The following ENPP2 variants were observed in gnomAD, a reference collection of about 807,000 sequenced individuals.
ENPP2 encodes ectonucleotide pyrophosphatase/phosphodiesterase 2, also known as autotaxin.
In ENPP2, 51 loss-of-function variants were observed where a neutral mutation model predicts 120.2. The observed-to-expected ratio is 0.42, with a 90% CI of 0.34 to 0.54. The LOEUF (loss-of-function observed/expected upper bound fraction) is 0.54, where lower values mean the gene tolerates loss of function less well. Ranked by LOEUF, ENPP2 falls within the 20% of genes least tolerant of loss-of-function variation. The pLI is 0.04. For synonymous variants in ENPP2, 365 were observed against 366.4 expected (o/e 1.00, Z 0.04); for missense variants, 920 against 1,066.5 (o/e 0.86, Z 1.91).
intron 1 of ENPP2, among the ~76,000 whole-genome samples, chr8:119,647,074 T>G (rs1817492362): frequency 6.6e-6 from 1 of 151,552 alleles, no homozygotes; most frequent in African/African-American, 2.4e-5. Context: ...CTTGGCTCAC[T>G]GCAACCTCCG....
intron 9 of ENPP2, among the ~76,000 whole-genome samples, chr8:119,604,930 C>A (rs151161019): frequency 6.6e-6 from 1 of 151,838 alleles, no homozygotes; most frequent in African/African-American, 2.4e-5. Context: ...CCCACCACCA[C>A]GCCTGGCTAA....
At chr8:119,663,778 A>G (rs1297446559) in intron 1 of ENPP2, among the ~76,000 whole-genome samples, 1 of 152,232 alleles carries the variant, frequency 6.6e-6, no homozygotes, top group Non-Finnish European at 1.5e-5. Context: ...ACCCAAGGGA[A>G]AAGTACGATA....
intron 13 of ENPP2, 144 bp from the exon 14 acceptor site, chr8:119,587,219 T>C: frequency 1.4e-6 from 1 of 702,012 alleles, no homozygotes; most frequent in South Asian, 1.7e-5. Flanking sequence ...GATAAATAAT[T>C]GTGTAGGGGT....
chr8:119,638,941 T>C (rs755846487), upstream of ENPP2: 196 of 823,038 alleles, frequency 2.4e-4, no homozygotes, highest in Admixed American at 1.2e-3. Context: ...TCACAGGGTG[T>C]TCACAAATCG....
chr8:119,656,151 T>C (rs1439593854), intron 1 of ENPP2, among the ~76,000 whole-genome samples: 1 of 152,210 alleles, frequency 6.6e-6, no homozygotes, highest in East Asian at 1.9e-4. Flanking sequence ...TAATAAAATA[T>C]TTTGCAAAAG....
In ENPP2 at chr8:119,600,678, C is replaced by T; in HGVS notation, c.972G>A (p.Glu324=). ...SGHKYGPFGP[E]MTNPLREIDK... ...CTCAGGCAGATGCTAAACCACTAAC[C>T]TCAGGGCCGAAAGGGCCATATTTGT... is the stretch of plus-strand genomic sequence containing the variant. Residue 324 remains glutamate, a splice_region_variant and synonymous_variant, in exon 11 of 25, where the codon GAG becomes GAA. Coordinates refer to ENST00000075322, the MANE Select transcript of ENPP2 (RefSeq NM_001040092.3). 6.2e-7 allele frequency: 1 copy of T among 1,604,756 alleles called. No homozygotes were observed.
rs150759849 is a variant in ENPP2, at chr8:119,570,802, C to T, written c.1820G>A (p.Arg607Gln). 1.3e-5 allele frequency: 21 copies of T among 1,580,704 alleles called. No individual in the cohort carries two copies. The highest frequency in any genetic ancestry group is 5.5e-5 in the African/African-American group (4 of 73,168). ...LLYGRPAVLY[R>Q]TRYDILYHTD... The stretch of plus-strand genomic sequence containing the variant: ...GTGATATAAGATATCATATCTAGTC[C>T]GATAAAGCACTGCAGGTCGCCCATA... Residue 607 changes from arginine to glutamine, a missense_variant, in exon 20 of 25, where the codon CGG (arginine) becomes CAG (glutamine). Coordinates refer to ENST00000075322, the MANE Select transcript of ENPP2 (RefSeq NM_001040092.3).
chr8:119,612,070 G>A (rs1000496776), intron 8 of ENPP2, among the ~76,000 whole-genome samples: 13 of 152,022 alleles, frequency 8.6e-5, no homozygotes, highest in African/African-American at 3.1e-4. Flanking sequence ...ATTTATGATA[G>A]TAAAAATATA....
intron 1 of ENPP2, among the ~76,000 whole-genome samples, chr8:119,650,565 A>G (rs1378148313): frequency 6.6e-6 from 1 of 152,238 alleles, no homozygotes. Context: ...TGCACAGAAA[A>G]GGAACATTAA....
rs58435393 is a variant in ENPP2, at chr8:119,659,334, A to AAAAAAAAAAAAAAAAAAC, written c.21+13917_21+13918insGTTTTTTTTTTTTTTTTT. Among the ~76,000 whole-genome samples, 158 of 130,702 alleles carry AAAAAAAAAAAAAAAAAAC rather than the reference A, an allele frequency of 1.2e-3. 4 individuals carry two copies. The highest frequency in any genetic ancestry group is 4.0e-3 in the East Asian group (16 of 3,970). The allele number at this position is 130,702 out of a possible 152,430, so 85.7% of individuals were successfully genotyped here. Reference sequence around the variant, plus strand: ...TCTGTCTCAATTAAAAAAAAAAAAAAAAACCAGAGTTCTTAAGAATTTTCT... The same window carrying AAAAAAAAAAAAAAAAAAC: ...TCTGTCTCAATTAAAAAAAAAAAAAAAAAAAAAAAAAAAAAAACAAACCAGAGTTCTTAAGAATTTTCT... On this transcript the variant is annotated intron_variant, in intron 1 of 25. Transcript: ENST00000427067.
intron 16 of ENPP2, 51 bp from the exon 17 acceptor site, chr8:119,583,855 C>A (rs1221714616): frequency 7.2e-7 from 1 of 1,389,240 alleles, no homozygotes; most frequent in Non-Finnish European, 1.0e-6. Context: ...TAGGTAGGAA[C>A]CCTTCCTCTA....
rs769635268 is a variant in ENPP2, at chr8:119,570,810, C to T, written c.1812G>A (p.Val604=). 6.4e-7 allele frequency: 1 copy of T among 1,574,050 alleles called. No homozygotes were observed. Among genetic ancestry groups the T allele is most frequent in the Non-Finnish European group, 8.6e-7 (1 of 1,163,674 alleles). The stretch of plus-strand genomic sequence containing the variant: ...AGATATCATATCTAGTCCGATAAAG[C>T]ACTGCAGGTCGCCCATAGAGGAGGT... ...ERHLLYGRPA[V]LYRTRYDILY... is the part of the protein sequence containing the mutation. The change falls in exon 20 of 25, where the codon GTG becomes GTA. Residue 604 remains valine, a synonymous_variant. Coordinates refer to ENST00000075322, the MANE Select transcript of ENPP2 (RefSeq NM_001040092.3).
chr8:119,595,837 A>C, intron 11 of ENPP2: 1 of 1,613,692 alleles, frequency 6.2e-7, no homozygotes, highest in African/African-American at 1.3e-5. Flanking sequence ...GGAACAATAG[A>C]TAAACTTACT....
At position 119,557,505 on chromosome 8, in the gene ENPP2, G is replaced by A. The variant is rs1025670583; in HGVS notation, c.*16C>T. On this transcript the variant is annotated 3_prime_UTR_variant, in exon 25 of 25. Coordinates refer to ENST00000075322, the MANE Select transcript of ENPP2 (RefSeq NM_001040092.3). Reference sequence around the variant, plus strand: ...TACAACCAGTTGATAAGACTGTACTGCAGATGCTCAGAAAGTTAAATCTCG... The same window carrying A: ...TACAACCAGTTGATAAGACTGTACTACAGATGCTCAGAAAGTTAAATCTCG... The A allele has an allele frequency of 1.9e-6, 3 of 1,598,986 alleles. No homozygotes were observed. The highest frequency in any genetic ancestry group is 1.3e-5 in the African/African-American group (1 of 74,426).
At chr8:119,589,825 C>A (rs1388205734) in intron 13 of ENPP2, among the ~76,000 whole-genome samples, 1 of 152,084 alleles carries the variant, frequency 6.6e-6, no homozygotes, top group Non-Finnish European at 1.5e-5. Flanking sequence ...AAACTATGGA[C>A]TTCTCAAAAG....
At chr8:119,569,168 C>T (rs1456349687) in intron 21 of ENPP2, 67 bp downstream of exon 21, 1 of 1,493,060 alleles carries the variant, frequency 6.7e-7, no homozygotes, top group African/African-American at 1.4e-5. Context: ...CACTGAAATT[C>T]CAAATACCAA....
At chr8:119,661,298 C>T (rs760803975) in intron 1 of ENPP2, among the ~76,000 whole-genome samples, 1 of 152,040 alleles carries the variant, frequency 6.6e-6, no homozygotes, top group Non-Finnish European at 1.5e-5. Flanking sequence ...CAAACCTGCA[C>T]GTTCAGCACA....
intron 2 of ENPP2, among the ~76,000 whole-genome samples, chr8:119,629,113 G>A (rs1481753759): frequency 6.6e-6 from 1 of 151,896 alleles, no homozygotes; most frequent in Non-Finnish European, 1.5e-5. Context: ...GTCTGTGTGG[G>A]TATGTATACA....
intron 1 of ENPP2, among the ~76,000 whole-genome samples, chr8:119,672,889 C>G (rs1818292395): frequency 6.6e-6 from 1 of 152,202 alleles, no homozygotes; most frequent in Non-Finnish European, 1.5e-5. Context: ...GGGCCCGTCT[C>G]GCCGCCCAGG....
Sources: gnomAD v4.1 joint callset for allele counts (sites outside exome capture counted in the v4.1 genomes callset) on GRCh38, gnomAD v4.1.1 for gene constraint, MANE v1.5 for transcripts, NCBI Gene and HGNC (gene_info 2026-07-23, HGNC 2026-07-21) for gene names.